PLPP4: variants seen among roughly 807,000 people sequenced by gnomAD.
The protein encoded by PLPP4 is diacylglycerol pyrophosphate like 2.
A neutral mutation model predicts 32.2 loss-of-function variants in PLPP4; 20 were observed. That is an observed-to-expected ratio of 0.62 (90% CI 0.44 to 0.90). The LOEUF is 0.90. Among genes scored for constraint, PLPP4 ranks in the 40% least tolerant of loss-of-function variants. The pLI is 0.00. For missense variants in PLPP4, 257 were observed against 353.1 expected (o/e 0.73, Z 2.18); for synonymous variants, 127 against 133.0 (o/e 0.95, Z 0.31).
intron 5 of PLPP4, among the ~76,000 whole-genome samples, chr10:120,550,873 T>C (rs1263527320): frequency 6.6e-6 from 1 of 151,926 alleles, no homozygotes; most frequent in African/African-American, 2.4e-5. Context: ...ACAGCACCAA[T>C]AATAGAAAAT....
At chr10:120,578,783 G>C (rs916295846) in intron 6 of PLPP4, among the ~76,000 whole-genome samples, 18 of 152,174 alleles carry the variant, frequency 1.2e-4, no homozygotes, top group Non-Finnish European at 7.4e-5. Flanking sequence ...AAACCGGTGG[G>C]ATCAATACTA....
intron 1 of PLPP4, among the ~76,000 whole-genome samples, chr10:120,492,511 C>T (rs532590485): frequency 7.2e-5 from 11 of 152,330 alleles, no homozygotes; most frequent in African/African-American, 2.4e-4. Context: ...AAGCACAGAA[C>T]AGCCTGGCTC....
At chr10:120,466,756 G>A (rs1345627601) in intron 1 of PLPP4, among the ~76,000 whole-genome samples, 2 of 70,052 alleles carry the variant, frequency 2.9e-5, no homozygotes, top group Non-Finnish European at 8.5e-5. Flanking sequence ...TCTGTTAAAC[G>A]GGTACACTCT....
At chr10:120,466,005 G>A (rs540088097) in intron 1 of PLPP4, among the ~76,000 whole-genome samples, 1 of 151,918 alleles carries the variant, frequency 6.6e-6, no homozygotes, top group Non-Finnish European at 1.5e-5. Context: ...TTGGTTTTTG[G>A]TGAACATCTT....
At chr10:120,527,942 TAAAG>T (rs965876143) in intron 5 of PLPP4, among the ~76,000 whole-genome samples, 2 of 151,984 alleles carry the variant, frequency 1.3e-5, no homozygotes, top group Admixed American at 6.6e-5. Flanking sequence ...GGCCTTTGCA[TAAAG>T]AAAGAGGAAA....
At position 120,495,754 on chromosome 10, in the gene PLPP4, C is replaced by A. The variant is rs186749529; in HGVS notation, c.57-8064C>A. ...TCTTCTATCTGCTCCCTTTTCCCAA[C>A]ACACAACCTCACTACCCTCGGGTGG... On this transcript the variant is annotated intron_variant, in intron 1 of 6. Coordinates refer to ENST00000398250, the MANE Select transcript of PLPP4 (RefSeq NM_001030059.3). 1.5e-3 allele frequency among the ~76,000 whole-genome samples: 232 copies of A among 152,294 alleles called. 1 individual carries two copies. Among genetic ancestry groups the A allele is most frequent in the African/African-American group, 5.5e-3 (227 of 41,556 alleles).
At chr10:120,525,622 G>C (rs1006441720) in intron 5 of PLPP4, among the ~76,000 whole-genome samples, 2 of 152,204 alleles carry the variant, frequency 1.3e-5, no homozygotes, top group Admixed American at 1.3e-4. Context: ...CCAATCAGGG[G>C]ACAGGGAAAG....
At chr10:120,509,986 T>C (rs983083485) in intron 2 of PLPP4, among the ~76,000 whole-genome samples, 3 of 152,218 alleles carry the variant, frequency 2.0e-5, no homozygotes, top group Non-Finnish European at 4.4e-5. Context: ...AACTCCTCAT[T>C]TTACCACTTG....
rs1270393355 is a variant in PLPP4, at chr10:120,539,043, C to T, written c.445+17948C>T. ...TTGGCTTTTGCACTTGCCCTTCTCC[C>T]GTATTTCCCACGTGCTGTCAGAAGC... On this transcript the variant is annotated intron_variant, in intron 5 of 6. Coordinates refer to ENST00000398250, the MANE Select transcript of PLPP4 (RefSeq NM_001030059.3). 2.6e-5 allele frequency among the ~76,000 whole-genome samples: 4 copies of T among 152,184 alleles called. No individual in the cohort carries two copies. The East Asian group carries it at 7.7e-4, about 29-fold the overall frequency.
intron 4 of PLPP4, 86 bp downstream of exon 4, chr10:120,518,982 A>G: frequency 1.0e-6 from 1 of 961,122 alleles, no homozygotes; most frequent in Non-Finnish European, 1.6e-6. Flanking sequence ...TGGATGGGAC[A>G]GATTTGAGCT....
chr10:120,496,217 A>T (rs1274443176), intron 1 of PLPP4, among the ~76,000 whole-genome samples: 4 of 152,222 alleles, frequency 2.6e-5, no homozygotes, highest in Admixed American at 1.3e-4. Context: ...CAAATCCATG[A>T]AATCTTTTAG....
chr10:120,495,402 C>T (rs1003487687), intron 1 of PLPP4, among the ~76,000 whole-genome samples: 2 of 152,126 alleles, frequency 1.3e-5, no homozygotes, highest in Admixed American at 6.5e-5. Flanking sequence ...CACACCCACC[C>T]CTTGTTCCCA....
chr10:120,586,776 C>T (rs548721763), intron 6 of PLPP4, among the ~76,000 whole-genome samples: 3 of 152,256 alleles, frequency 2.0e-5, no homozygotes, highest in Admixed American at 6.5e-5. Context: ...ATTAAACAAT[C>T]GCACAATTTG....
intron 5 of PLPP4, 33 bp from the exon 6 acceptor site, chr10:120,575,098 G>T: frequency 1.3e-6 from 2 of 1,599,174 alleles, no homozygotes; most frequent in Non-Finnish European, 1.7e-6. Context: ...CTCACCACCT[G>T]CTAGAGTAAC....
intron 5 of PLPP4, among the ~76,000 whole-genome samples, chr10:120,567,053 T>G (rs1183306591): frequency 6.6e-6 from 1 of 152,088 alleles, no homozygotes; most frequent in African/African-American, 2.4e-5. Flanking sequence ...GCACCCTAGG[T>G]TTTTTCTCTC....
intron 5 of PLPP4, among the ~76,000 whole-genome samples, chr10:120,572,969 A>G (rs934125723): frequency 6.6e-6 from 1 of 152,170 alleles, no homozygotes; most frequent in Non-Finnish European, 1.5e-5. Context: ...CTTAATATCT[A>G]TTGGCACGGC....
chr10:120,459,978 G>C (rs1436198883), intron 1 of PLPP4, among the ~76,000 whole-genome samples: 1 of 152,150 alleles, frequency 6.6e-6, no homozygotes, highest in African/African-American at 2.4e-5. Context: ...ACTAGGCACA[G>C]TGCTGAGGTT....
At chr10:120,556,294 AT>A (rs1386277818) in intron 5 of PLPP4, among the ~76,000 whole-genome samples, 1 of 152,012 alleles carries the variant, frequency 6.6e-6, no homozygotes, top group Non-Finnish European at 1.5e-5. Context: ...CTAGTCCTGT[AT>A]TTTTTGTCTC....
upstream of PLPP4, chr10:120,457,162 C>T (rs1847814124): frequency 2.5e-6 from 1 of 408,140 alleles, no homozygotes; most frequent in Non-Finnish European, 3.7e-6. Flanking sequence ...GGCGCCTGCC[C>T]CCGCCCGGCG....
Sources: gnomAD v4.1 joint callset for allele counts (sites outside exome capture counted in the v4.1 genomes callset) on GRCh38, gnomAD v4.1.1 for gene constraint, MANE v1.5 for transcripts, NCBI Gene and HGNC (gene_info 2026-07-23, HGNC 2026-07-21) for gene names.